The following ABCA6 variants were observed in gnomAD, a reference collection of about 807,000 sequenced individuals.
ABCA6 encodes the protein ATP binding cassette subfamily A member 6.
A neutral mutation model predicts 191.2 loss-of-function variants in ABCA6; 164 were observed. The ratio of observed to expected loss-of-function variants is 0.86; its 90% CI spans 0.76 to 0.98. The LOEUF (loss-of-function observed/expected upper bound fraction) is 0.98, where lower values mean the gene tolerates loss of function less well. Ranked by LOEUF, ABCA6 falls within the 50% of genes least tolerant of loss-of-function variation. The probability of loss-of-function intolerance (pLI) is 0.00; values close to 1 mark genes in which losing one functional copy is unlikely to be tolerated. For missense variants in ABCA6, 1,958 were observed against 1,894.1 expected, an observed-to-expected ratio of 1.03 and a Z score of -0.63; for synonymous variants, 636 against 647.7, an observed-to-expected ratio of 0.98 and a Z score of 0.27.
chr17:69,101,006 AG>A, intron 21 of ABCA6, 72 bp from the exon 22 acceptor site: 3 of 1,272,518 alleles, frequency 2.4e-6, no homozygotes, highest in Non-Finnish European at 2.2e-6. Flanking sequence ...TATGTATAAA[AG>A]ATCCTAACAG....
At position 69,096,355 on chromosome 17, in the gene ABCA6, T is replaced by G. The variant is rs2073045146; in HGVS notation, c.3295-2A>C. 1 of 1,401,450 alleles carries G rather than the reference T, an allele frequency of 7.1e-7. No homozygotes were observed. The highest frequency in any genetic ancestry group is 9.6e-7 in the Non-Finnish European group (1 of 1,037,684). The allele number at this position is 1,401,450 out of a possible 1,614,324, so 86.8% of individuals were successfully genotyped here. On this transcript the variant is annotated splice_acceptor_variant, in intron 24 of 38. Coordinates refer to ENST00000284425, the MANE Select transcript of ABCA6 (RefSeq NM_080284.3). LOFTEE classifies it high-confidence loss of function. ...TGCATAACCAGGAGTAACTATAACC[T>G]GAGCATAAAAGAAATAATAACATAG...
chr17:69,110,984 C>G, intron 16 of ABCA6, 44 bp from the exon 17 acceptor site: 1 of 1,534,474 alleles, frequency 6.5e-7, no homozygotes, highest in South Asian at 1.3e-5. Context: ...TTTTCTCCAC[C>G]ACTATCACAA....
In ABCA6 at chr17:69,123,352, G is replaced by A. The variant is rs147854354; in HGVS notation, c.1323C>T (p.Phe441=). The A allele has an allele frequency of 3.0e-5, 46 of 1,557,404 alleles. No homozygotes were observed. The African/African-American group carries it at 4.9e-4, about 17-fold the overall frequency. ...CCTTAGCATTAGTCCTTTGGTGTTG[G>A]AAACAAGATGATGAATTCAAGAAAA... ...PLFFLNSSSC[F]QHQRTNAKVI... Residue 441 remains phenylalanine, a synonymous_variant, in exon 10 of 39, where the codon TTC becomes TTT. Transcript: ENST00000284425.
rs746948732 is a variant in ABCA6 at position 69,083,218 on chromosome 17, CT to C, written c.4468del (p.Arg1490GlyfsTer11). The C allele has an allele frequency of 3.2e-5, 51 of 1,598,096 alleles. No individual in the cohort carries two copies. The African/African-American group carries it at 5.4e-4, about 17-fold the overall frequency. The stretch of plus-strand genomic sequence containing the variant: ...GCTTCGGAGAGACACCCACCTAAGC[CT>C]TCCAGACACCATGATGGCCACACGG... ...CDRVAIMVSGRLRCIGSIQHL... is the reference protein window; with the variant it reads ...CDRVAIMVSGXLRCIGSIQHL... On this transcript the variant is annotated frameshift_variant, in exon 35 of 39. Transcript: ENST00000284425. LOFTEE classifies it high-confidence loss of function.
In ABCA6 at chr17:69,113,358, A is replaced by C; in HGVS notation, c.1905T>G (p.Ile635Met). The change falls in exon 15 of 39, where the codon ATT becomes ATG. Residue 635 changes from isoleucine (I) to methionine (M), a missense_variant and splice_region_variant. Coordinates refer to ENST00000284425, the MANE Select transcript of ABCA6 (RefSeq NM_080284.3). ...CAGTAGTTGGTTCATCTAAAAGCAA[A>C]ATCTACAGAGAATGAAGATATATAA... ...FGITILGDPQILLLDEPTTGL... is the reference protein window; with the variant it reads ...FGITILGDPQMLLLDEPTTGL... 1 of 1,590,588 alleles carries C rather than the reference A, an allele frequency of 6.3e-7. No homozygotes were observed. The highest frequency in any genetic ancestry group is 8.5e-7 in the Non-Finnish European group (1 of 1,174,248).
At chr17:69,080,550 G>A (rs376729064) in intron 37 of ABCA6, among the ~76,000 whole-genome samples, 1 of 152,162 alleles carries the variant, frequency 6.6e-6, no homozygotes, top group East Asian at 1.9e-4. Context: ...GACGGTCAAA[G>A]CTATCATTCA....
intron 11 of ABCA6, 56 bp downstream of exon 11, chr17:69,117,841 CT>C (rs2073564964): frequency 1.5e-6 from 2 of 1,325,062 alleles, no homozygotes; most frequent in African/African-American, 1.5e-5. Flanking sequence ...GAATGTTTCC[CT>C]TTTTTATAAT....
In ABCA6 at chr17:69,133,871, A is replaced by G. The variant is rs2073906854; in HGVS notation, c.565-4T>C. On this transcript the variant is annotated splice_region_variant and splice_polypyrimidine_tract_variant and intron_variant, in intron 5 of 38. Coordinates refer to ENST00000284425, the MANE Select transcript of ABCA6 (RefSeq NM_080284.3). ...TCACAGGGTGATTGGTTGTGATCTA[A>G]AGTAGAGTTTAAACAAACATAATTA... is the stretch of plus-strand genomic sequence containing the variant. 1.9e-6 allele frequency: 3 copies of G among 1,545,494 alleles called. No homozygotes were observed. Among genetic ancestry groups the G allele is most frequent in the Non-Finnish European group, 2.6e-6 (3 of 1,137,010 alleles).
intron 7 of ABCA6, 87 bp from the exon 8 acceptor site, chr17:69,128,891 A>G: frequency 1.0e-6 from 1 of 998,588 alleles, no homozygotes; most frequent in African/African-American, 1.6e-5. Flanking sequence ...AAGGATTTTT[A>G]TATCATAACA....
In ABCA6 at chr17:69,114,804, A is replaced by G; in HGVS notation, c.1740T>C (p.Phe580=). 6.2e-7 allele frequency: 1 copy of G among 1,612,438 alleles called. No individual in the cohort carries two copies. The highest frequency in any genetic ancestry group is 8.5e-7 in the Non-Finnish European group (1 of 1,179,152). ...ILTVKENLSL[F]AKIKGIHLKE... ...TTAGATGAATCCCTTTTATTTTAGC[A>G]AACAGGCTGAGGTTTTCCTTCACGG... The change falls in exon 13 of 39, where the codon TTT becomes TTC. Residue 580 remains phenylalanine (F), a synonymous_variant. Transcript: ENST00000284425.
chr17:69,137,369 C>A lies in ABCA6; in HGVS notation c.228G>T (p.Met76Ile), dbSNP rs1025431703. The A allele has an allele frequency of 5.0e-6, 8 of 1,613,634 alleles. No individual in the cohort carries two copies. The highest frequency in any genetic ancestry group is 2.2e-5 in the South Asian group (2 of 91,068). Residue 76 changes from methionine (M) to isoleucine (I), a missense_variant, in exon 3 of 39, where the codon ATG (methionine) becomes ATT (isoleucine). By Grantham distance (10) the Met-to-Ile change is conservative. Transcript: ENST00000284425. The stretch of plus-strand genomic sequence containing the variant: ...AATTAGATATTGGTGTATACACAAC[C>A]ATTAAAGAAGAGCTATTAAATTTAT... The part of the protein sequence containing the change: ...RVDKFNSSSL[M>I]VVYTPISNLT...
intron 28 of ABCA6, chr17:69,087,763 A>T: frequency 1.1e-5 from 5 of 446,586 alleles, no homozygotes; most frequent in Non-Finnish European, 2.0e-5. Context: ...CATTTTCTCT[A>T]CTCAGTCTGA....
intron 7 of ABCA6, 62 bp downstream of exon 7, chr17:69,129,548 A>T: frequency 7.1e-7 from 1 of 1,411,188 alleles, no homozygotes. Context: ...TAGGGCATTA[A>T]TATTAGCTAC....
At chr17:69,085,943 T>TC in intron 30 of ABCA6, among the ~76,000 whole-genome samples, 1 of 152,284 alleles carries the variant, frequency 6.6e-6, no homozygotes, top group African/African-American at 2.4e-5. Flanking sequence ...TCTGTCCTTT[T>TC]CCCCCCAGAT....
chr17:69,120,357 A>C (rs1033184971), intron 10 of ABCA6, among the ~76,000 whole-genome samples: 1 of 152,060 alleles, frequency 6.6e-6, no homozygotes, highest in African/African-American at 2.4e-5. Context: ...TTTAAAACAA[A>C]AATAGACGTT....
intron 11 of ABCA6, 177 bp from the exon 12 acceptor site, chr17:69,115,663 A>G: frequency 2.2e-6 from 1 of 448,308 alleles, no homozygotes; most frequent in Non-Finnish European, 3.9e-6. Context: ...AATATGTGAC[A>G]GAACTATAAT....
chr17:69,116,094 C>T (rs1367182927), intron 11 of ABCA6, among the ~76,000 whole-genome samples: 1 of 152,004 alleles, frequency 6.6e-6, no homozygotes, highest in Admixed American at 6.6e-5. Flanking sequence ...TGAGTTTAAG[C>T]AATACACCCA....
intron 6 of ABCA6, 32 bp from the exon 7 acceptor site, chr17:69,129,783 GTTAAC>G (rs2144707855): frequency 6.7e-7 from 1 of 1,491,774 alleles, no homozygotes; most frequent in South Asian, 1.3e-5. Flanking sequence ...TATAAATTAT[GTTAAC>G]TTATTTACAA....
At chr17:69,136,008 A>C in intron 4 of ABCA6, 84 bp downstream of exon 4, 1 of 1,279,748 alleles carries the variant, frequency 7.8e-7, no homozygotes, top group South Asian at 1.3e-5. Context: ...GTGTCATTGA[A>C]AGCATCTCTG....
Sources: allele counts gnomAD v4.1 joint callset (sites outside exome capture counted in the v4.1 genomes callset), GRCh38; gene constraint gnomAD v4.1.1; transcripts MANE v1.5; gene names NCBI Gene and HGNC (gene_info 2026-07-23, HGNC 2026-07-21).